DPP10: variants seen among roughly 807,000 people sequenced by gnomAD.
The protein encoded by DPP10 is inactive dipeptidyl peptidase 10.
Under a neutral mutation model 120.9 loss-of-function variants are expected in DPP10, and 33 were observed. The observed-to-expected ratio is 0.27, with a 90% CI of 0.21 to 0.37. DPP10 has a LOEUF of 0.37. Ranked by LOEUF, DPP10 falls within the 10% of genes least tolerant of loss-of-function variation. DPP10 has a pLI of 1.00. For synonymous variants in DPP10, 337 were observed against 326.1 expected, an observed-to-expected ratio of 1.03 and a Z score of -0.36; for missense variants, 816 against 942.8, an observed-to-expected ratio of 0.87 and a Z score of 1.76.
intron 1 of DPP10, among the ~76,000 whole-genome samples, chr2:114,504,910 G>T (rs932620838): frequency 1.3e-5 from 2 of 151,850 alleles, no homozygotes; most frequent in African/African-American, 4.8e-5. Context: ...AAATTAGCCG[G>T]GCATGGTGGC....
chr2:114,472,141 G>A (rs1199276263), intron 1 of DPP10, among the ~76,000 whole-genome samples: 2 of 152,158 alleles, frequency 1.3e-5, no homozygotes, highest in Non-Finnish European at 2.9e-5. Context: ...ATGTGATTAG[G>A]CTATCTGGGT....
intron 3 of DPP10, among the ~76,000 whole-genome samples, chr2:115,365,866 T>C (rs1196862091): frequency 6.6e-6 from 1 of 152,034 alleles, no homozygotes; most frequent in African/African-American, 2.4e-5. Context: ...GGGATGACTA[T>C]GGTTTGTCTC....
intron 5 of DPP10, among the ~76,000 whole-genome samples, chr2:115,625,032 T>C (rs1371804886): frequency 6.6e-6 from 1 of 152,028 alleles, no homozygotes; most frequent in Non-Finnish European, 1.5e-5. Context: ...GGGAGAATTT[T>C]ATAAATATAT....
intron 1 of DPP10, among the ~76,000 whole-genome samples, chr2:114,521,983 ATT>A (rs35338330): frequency 4.6e-4 from 41 of 88,922 alleles, no homozygotes; most frequent in East Asian, 7.0e-4. Context: ...AATTTTTTGT[ATT>A]TTTTTTTTTT....
At position 114,719,397 on chromosome 2, in the gene DPP10, CA is replaced by C. The variant is rs543387802; in HGVS notation, c.60+276560del. Among the ~76,000 whole-genome samples the C allele has an allele frequency of 1.1e-3, 163 of 152,288 alleles. 1 individual carries two copies. Among genetic ancestry groups the C allele is most frequent in the African/African-American group, 3.7e-3 (152 of 41,568 alleles). On this transcript the variant is annotated intron_variant, in intron 1 of 25. Transcript: ENST00000410059. ...TGCGACATATCCATTGCAACCTGCC[CA>C]CCCACCCCCATTTCTGTGGTAAGTT...
intron 5 of DPP10, among the ~76,000 whole-genome samples, chr2:115,559,917 A>C (rs2080455501): frequency 6.6e-6 from 1 of 152,136 alleles, no homozygotes. Flanking sequence ...GACATTGTCT[A>C]CCAAGCTTCC....
At chr2:114,480,901 A>C (rs972575124) in intron 1 of DPP10, among the ~76,000 whole-genome samples, 1 of 151,882 alleles carries the variant, frequency 6.6e-6, no homozygotes, top group Non-Finnish European at 1.5e-5. Context: ...AAAAAAACAA[A>C]AAGTTTTGCA....
At chr2:115,824,355 C>T (rs1688100839) in intron 21 of DPP10, among the ~76,000 whole-genome samples, 1 of 151,922 alleles carries the variant, frequency 6.6e-6, no homozygotes, top group African/African-American at 2.4e-5. Flanking sequence ...GCAGAATGTG[C>T]AGGTTTGTTA....
intron 1 of DPP10, among the ~76,000 whole-genome samples, chr2:114,834,892 A>G (rs530329180): frequency 1.2e-4 from 18 of 147,786 alleles, no homozygotes; most frequent in Non-Finnish European, 1.8e-4. Flanking sequence ...AACTATGTAT[A>G]TATAAGCCAT....
chr2:115,777,765 T>C (rs551706623), intron 14 of DPP10, 22 bp from the exon 15 acceptor site: 1 of 1,612,652 alleles, frequency 6.2e-7, no homozygotes, highest in South Asian at 1.1e-5. Context: ...CTAATGCTTG[T>C]GTTGTTTTCT....
chr2:115,712,543 A>ACATATATATATATATATATATATATATAT lies in DPP10; in HGVS notation c.577-15273_577-15272insCATATATATATATATATATATATATATAT, dbSNP rs56675119. On this transcript the variant is annotated intron_variant, in intron 7 of 25. Transcript: ENST00000410059. ...AATAGCTTTGAAGAGTCCTGAATTA[A>ACATATATATATATATATATATATATATAT]ATATATATATATATATATATATAAA... Among the ~76,000 whole-genome samples, 2 of 64,276 alleles carry ACATATATATATATATATATATATATATAT rather than the reference A, an allele frequency of 3.1e-5. 1 individual carries two copies. Among genetic ancestry groups the ACATATATATATATATATATATATATATAT allele is most frequent in the African/African-American group, 1.1e-4 (2 of 18,162 alleles). The allele number at this position is 64,276 out of a possible 152,430, so 42.2% of individuals were successfully genotyped here. A position where few individuals can be genotyped will look rare whatever the true frequency, so the allele number is the denominator to read the frequency against.
Position 115,554,001 on chromosome 2 carries a change from T to TCACACACACA in DPP10, c.441+28061_441+28070dup, listed in dbSNP as rs71881888. The stretch of plus-strand genomic sequence containing the variant: ...CGACACCTATCTCTCTCTCTCTCTT[T>TCACACACACA]CACACACACACACACACACACACAC... On this transcript the variant is annotated intron_variant, in intron 5 of 25. Transcript: ENST00000410059. Among the ~76,000 whole-genome samples, 163 of 135,584 alleles carry TCACACACACA rather than the reference T, an allele frequency of 1.2e-3. 1 individual carries two copies. The highest frequency in any genetic ancestry group is 3.3e-3 in the African/African-American group (122 of 36,896). The allele number at this position is 135,584 out of a possible 152,430, so 88.9% of individuals were successfully genotyped here.
intron 1 of DPP10, among the ~76,000 whole-genome samples, chr2:114,714,248 C>T (rs72830367): frequency 0.012 from 1,836 of 152,064 alleles, 13 homozygotes; most frequent in Middle Eastern, 0.034. Context: ...GCATCTCCAG[C>T]AACATAGTGG....
chr2:115,236,122 G>T (rs1448183667), intron 1 of DPP10, among the ~76,000 whole-genome samples: 1 of 152,122 alleles, frequency 6.6e-6, no homozygotes, highest in East Asian at 1.9e-4. Flanking sequence ...TATGATAATT[G>T]TAACCATATA....
intron 1 of DPP10, among the ~76,000 whole-genome samples, chr2:114,947,670 G>A (rs1697467389): frequency 6.6e-6 from 1 of 151,748 alleles, no homozygotes; most frequent in African/African-American, 2.4e-5. Context: ...AGTGATTTCT[G>A]ATAAAAGGCC....
chr2:115,232,335 A>T (rs902823683), intron 1 of DPP10, among the ~76,000 whole-genome samples: 6 of 149,370 alleles, frequency 4.0e-5, no homozygotes, highest in African/African-American at 1.5e-4. Context: ...AAAAAAAAAA[A>T]GGTTTTTAGG....
chr2:115,724,964 C>T (rs577048692), intron 7 of DPP10, among the ~76,000 whole-genome samples: 1 of 152,176 alleles, frequency 6.6e-6, no homozygotes, highest in East Asian at 1.9e-4. Flanking sequence ...AGGACGGCAC[C>T]CAGCTGTGAG....
intron 1 of DPP10, among the ~76,000 whole-genome samples, chr2:114,878,517 A>T (rs1443295610): frequency 3.3e-5 from 5 of 152,064 alleles, no homozygotes; most frequent in Non-Finnish European, 4.4e-5. Flanking sequence ...ATAGAACACT[A>T]AAACTTATTT....
chr2:114,786,563 C>T (rs72830402), intron 1 of DPP10, among the ~76,000 whole-genome samples: 2,412 of 152,220 alleles, frequency 0.016, 33 homozygotes, highest in Middle Eastern at 0.031. Context: ...GATCCAGATT[C>T]TCTAAAGTAA....
Sources: allele counts gnomAD v4.1 joint callset (sites outside exome capture counted in the v4.1 genomes callset), GRCh38; gene constraint gnomAD v4.1.1; transcripts MANE v1.5; gene names NCBI Gene and HGNC (gene_info 2026-07-23, HGNC 2026-07-21).